TXNDC12: variants seen among roughly 807,000 people sequenced by gnomAD.
TXNDC12 encodes the protein thioredoxin domain-containing protein 12.
TXNDC12 carries 22 observed loss-of-function variants against 24.2 expected under a neutral mutation model. That is an observed-to-expected ratio of 0.91 (90% CI 0.65 to 1.30). TXNDC12 has a LOEUF of 1.30. Ranked by LOEUF, TXNDC12 falls within the 50% of genes most tolerant of loss-of-function variation. TXNDC12 has a pLI of 0.00. For synonymous variants in TXNDC12, 58 were observed against 73.4 expected, an observed-to-expected ratio of 0.79 and a Z score of 1.07; for missense variants, 184 against 205.8, an observed-to-expected ratio of 0.89 and a Z score of 0.65.
intron 2 of TXNDC12, among the ~76,000 whole-genome samples, chr1:52,029,040 A>C (rs1685714392): frequency 1.3e-5 from 2 of 152,096 alleles, no homozygotes; most frequent in South Asian, 4.1e-4. Context: ...AAATATGAGA[A>C]TTGCTTAAGC....
At chr1:52,032,493 A>AG in intron 2 of TXNDC12, 4 of 1,342,314 alleles carry the variant, frequency 3.0e-6, no homozygotes, top group Non-Finnish European at 3.8e-6. Flanking sequence ...GCACCACAAT[A>AG]GTTCTCCATT....
intron 1 of TXNDC12, among the ~76,000 whole-genome samples, chr1:52,044,772 G>A (rs1188906190): frequency 6.6e-6 from 1 of 152,040 alleles, no homozygotes; most frequent in Non-Finnish European, 1.5e-5. Context: ...TCAGGAGTTC[G>A]AGACCATCCT....
chr1:52,054,602 T>A (rs544374586), intron 1 of TXNDC12, among the ~76,000 whole-genome samples: 1 of 152,254 alleles, frequency 6.6e-6, no homozygotes, highest in African/African-American at 2.4e-5. Flanking sequence ...GCGGAAGAAG[T>A]AACGAGAGAA....
chr1:52,031,978 A>T (rs1685770456), intron 2 of TXNDC12: 1 of 236,990 alleles, frequency 4.2e-6, no homozygotes, highest in Non-Finnish European at 6.9e-6. Context: ...ACTGTAGAGT[A>T]GCTCAAAACA....
chr1:52,054,004 C>T (rs1686271010), intron 1 of TXNDC12, among the ~76,000 whole-genome samples: 1 of 152,208 alleles, frequency 6.6e-6, no homozygotes, highest in Non-Finnish European at 1.5e-5. Flanking sequence ...CCTTGTCTGT[C>T]CTGTTTACAG....
At chr1:52,035,649 T>G (rs567546773) in intron 2 of TXNDC12, among the ~76,000 whole-genome samples, 2 of 152,066 alleles carry the variant, frequency 1.3e-5, no homozygotes, top group East Asian at 3.9e-4. Context: ...GATGCGGAGG[T>G]TGCAGTGAGC....
At chr1:52,035,322 T>C (rs1333702013) in intron 2 of TXNDC12, among the ~76,000 whole-genome samples, 1 of 152,220 alleles carries the variant, frequency 6.6e-6, no homozygotes, top group East Asian at 1.9e-4. Flanking sequence ...TGGCAAATTA[T>C]GTAACTTTTC....
chr1:52,048,558 T>C (rs1168603266), intron 1 of TXNDC12, among the ~76,000 whole-genome samples: 1 of 151,130 alleles, frequency 6.6e-6, no homozygotes, highest in African/African-American at 2.4e-5. Flanking sequence ...GGAAGCTAGA[T>C]TAATATAAGG....
intron 1 of TXNDC12, among the ~76,000 whole-genome samples, chr1:52,050,289 C>A (rs2124394169): frequency 6.6e-6 from 1 of 152,304 alleles, no homozygotes; most frequent in Admixed American, 6.5e-5. Flanking sequence ...TTCCCCAGCA[C>A]CACTAACACT....
At chr1:52,026,255 C>T (rs1357493028) in intron 4 of TXNDC12, among the ~76,000 whole-genome samples, 2 of 152,170 alleles carry the variant, frequency 1.3e-5, no homozygotes, top group African/African-American at 2.4e-5. Context: ...ATTCTTATCA[C>T]TTATTAGGCT....
chr1:52,033,625 G>A lies in TXNDC12; in HGVS notation c.159-4995C>T, dbSNP rs545753698. The A allele has an allele frequency of 1.8e-5, 29 of 1,612,286 alleles. No individual in the cohort carries two copies. In the South Asian group the frequency reaches 2.2e-4, roughly 12 times the overall value. On this transcript the variant is annotated intron_variant, in intron 2 of 6. Coordinates refer to ENST00000371626, the MANE Select transcript of TXNDC12 (RefSeq NM_015913.4). ...ACGGGCAGAATCGCCGTACACCGCT[G>A]GGTCCTCTGCGCCCAGGACAGCTGC...
chr1:52,032,914 G>T (rs777862178), intron 2 of TXNDC12: 14 of 1,611,306 alleles, frequency 8.7e-6, no homozygotes, highest in Middle Eastern at 3.3e-4. Flanking sequence ...CATCAATCCG[G>T]CCAGTACTTG....
chr1:52,054,416 A>T (rs1686283702), intron 1 of TXNDC12, among the ~76,000 whole-genome samples: 2 of 152,352 alleles, frequency 1.3e-5, no homozygotes, highest in South Asian at 4.1e-4. Context: ...ATTCATAACC[A>T]CTGATCGCTC....
rs368861129 is a variant in TXNDC12, at chr1:52,033,137, G to C, written c.159-4507C>G. Reference sequence around the variant, plus strand: ...TCAAAGCGCAGCGTTAGGGCCTCCAGGAGTTCGGGAGAGTAAAAGGCACCG... The same window carrying C: ...TCAAAGCGCAGCGTTAGGGCCTCCACGAGTTCGGGAGAGTAAAAGGCACCG... On this transcript the variant is annotated intron_variant, in intron 2 of 6. Coordinates refer to ENST00000371626, the MANE Select transcript of TXNDC12 (RefSeq NM_015913.4). 9.3e-6 allele frequency: 15 copies of C among 1,614,070 alleles called. No homozygotes were observed. In the African/African-American group the frequency reaches 1.9e-4, roughly 20 times the overall value.
At chr1:52,043,433 A>C (rs981343318) in intron 1 of TXNDC12, among the ~76,000 whole-genome samples, 1 of 152,250 alleles carries the variant, frequency 6.6e-6, no homozygotes, top group Admixed American at 6.5e-5. Context: ...AAAAATTATT[A>C]GTGATCATAA....
chr1:52,039,781 A>T (rs937843115), intron 2 of TXNDC12, among the ~76,000 whole-genome samples: 4 of 152,200 alleles, frequency 2.6e-5, no homozygotes, highest in African/African-American at 9.7e-5. Flanking sequence ...ATTATTAGTA[A>T]TGTTATATAC....
At chr1:52,032,215 G>A in intron 2 of TXNDC12, 1 of 985,764 alleles carries the variant, frequency 1.0e-6, no homozygotes, top group Non-Finnish European at 1.2e-6. Flanking sequence ...CTGTGAACTC[G>A]GTCCCAGAAT....
chr1:52,053,838 G>A (rs1007304400), intron 1 of TXNDC12, among the ~76,000 whole-genome samples: 3 of 152,148 alleles, frequency 2.0e-5, no homozygotes, highest in Non-Finnish European at 4.4e-5. Flanking sequence ...TTCAAGTGAT[G>A]CCAGCTCCAC....
intron 1 of TXNDC12, among the ~76,000 whole-genome samples, chr1:52,046,022 G>T (rs1686083260): frequency 6.6e-6 from 1 of 152,000 alleles, no homozygotes; most frequent in Non-Finnish European, 1.5e-5. Flanking sequence ...AGACTAGCCT[G>T]GGCAACATAG....
Sources: allele counts gnomAD v4.1 joint callset (sites outside exome capture counted in the v4.1 genomes callset), GRCh38; gene constraint gnomAD v4.1.1; transcripts MANE v1.5; gene names NCBI Gene and HGNC (gene_info 2026-07-23, HGNC 2026-07-21).